UBAP2L: variants seen among roughly 807,000 people sequenced by gnomAD.
UBAP2L encodes ubiquitin associated protein 2 like, also known as ubiquitin-associated protein 2-like.
UBAP2L carries 12 observed loss-of-function variants against 130.6 expected under a neutral mutation model. The observed-to-expected ratio is 0.09, with a 90% CI of 0.06 to 0.15. The LOEUF is 0.15. Ranked by LOEUF, UBAP2L falls within the 10% of genes least tolerant of loss-of-function variation. UBAP2L has a pLI of 1.00. For missense variants in UBAP2L, 965 were observed against 1,332.5 expected (o/e 0.72, Z 4.29); for synonymous variants, 503 against 524.7 (o/e 0.96, Z 0.57).
intron 25 of UBAP2L, among the ~76,000 whole-genome samples, chr1:154,268,118 A>AC (rs1159152917): frequency 6.7e-6 from 1 of 148,414 alleles, no homozygotes; most frequent in Non-Finnish European, 1.5e-5. Flanking sequence ...CAAACTCCTG[A>AC]CCTCAGGTGA....
At chr1:154,243,400 C>A in intron 10 of UBAP2L, 98 bp downstream of exon 10, 2 of 964,072 alleles carry the variant, frequency 2.1e-6, no homozygotes, top group Non-Finnish European at 3.1e-6. Context: ...CCCATGGTGT[C>A]AATAATAATA....
chr1:154,258,873 C>T, intron 20 of UBAP2L, 104 bp from the exon 21 acceptor site: 1 of 923,910 alleles, frequency 1.1e-6, no homozygotes, highest in African/African-American at 1.6e-5. Flanking sequence ...TGTTCTAACC[C>T]AGAATGAGGA....
chr1:154,269,589 C>G (rs914115846), intron 26 of UBAP2L: 1 of 386,122 alleles, frequency 2.6e-6, no homozygotes, highest in Non-Finnish European at 5.0e-6. Flanking sequence ...TCCCCAACAC[C>G]CTCTTTATCT....
At chr1:154,234,003 A>G (rs1226445183) in intron 4 of UBAP2L, among the ~76,000 whole-genome samples, 1 of 151,802 alleles carries the variant, frequency 6.6e-6, no homozygotes, top group Non-Finnish European at 1.5e-5. Flanking sequence ...GATCCCTGCA[A>G]TGTTTCCTAT....
Position 154,257,187 on chromosome 1 carries a change from G to A in UBAP2L, c.2282G>A (p.Ser761Asn). The stretch of plus-strand genomic sequence containing the variant: ...TCCTCCAGTCTCAATAGTGGCAGTA[G>A]CCTGGGCCTCAGCCTAGGCAGCAAC... Reference protein sequence around the residue: ...SVSSSLNSGSSLGLSLGSNST... With the variant: ...SVSSSLNSGSNLGLSLGSNST... Residue 761 changes from serine to asparagine, a missense_variant, in exon 19 of 27, where the codon AGC becomes AAC. Ser to Asn is a conservative substitution (Grantham distance 46, BLOSUM62 1). Transcript: ENST00000428931. 1 of 1,614,208 alleles carries A rather than the reference G, an allele frequency of 6.2e-7. No individual in the cohort carries two copies.
intron 15 of UBAP2L, chr1:154,254,612 T>C (rs1678988822): frequency 1.8e-6 from 1 of 570,122 alleles, no homozygotes. Context: ...CTTCTTTTGC[T>C]TTTGGTCACA....
intron 8 of UBAP2L, among the ~76,000 whole-genome samples, chr1:154,238,502 G>T (rs1270086487): frequency 2.6e-5 from 4 of 152,164 alleles, no homozygotes; most frequent in Non-Finnish European, 5.9e-5. Context: ...GTTGTGAATA[G>T]AAATTCAGGC....
At chr1:154,220,206 T>C, upstream of UBAP2L, 1 of 1,090,616 alleles carries the variant, frequency 9.2e-7, no homozygotes, top group Non-Finnish European at 1.4e-6. Flanking sequence ...AACTCCCACC[T>C]ACTCCTGGAA....
At chr1:154,256,994 C>T in intron 18 of UBAP2L, 69 bp from the exon 19 acceptor site, 1 of 1,531,220 alleles carries the variant, frequency 6.5e-7, no homozygotes, top group Non-Finnish European at 8.8e-7. Context: ...GAGGGATTGT[C>T]TTATTTTTCC....
chr1:154,228,471 G>A lies in UBAP2L; in HGVS notation c.169-144G>A, dbSNP rs191577402. Reference sequence around the variant, plus strand: ...CAAAGTGCTGGGATTATAGGCGTGAGCCACTGTGCCCAGCCCTCATCTTTT... The same window carrying A: ...CAAAGTGCTGGGATTATAGGCGTGAACCACTGTGCCCAGCCCTCATCTTTT... On this transcript the variant is annotated intron_variant, in intron 3 of 26. Transcript: ENST00000428931. 214 of 576,186 alleles carry A rather than the reference G, an allele frequency of 3.7e-4. 2 individuals are homozygous for A. The highest frequency in any genetic ancestry group is 2.7e-3 in the Middle Eastern group (6 of 2,202). 35.7% of individuals were successfully genotyped at this position (576,186 alleles called of 1,614,324 possible).
chr1:154,268,997 C>T lies in UBAP2L; in HGVS notation c.3168+43C>T, dbSNP rs768334036. On this transcript the variant is annotated intron_variant, in intron 26 of 26. Coordinates refer to ENST00000428931, the MANE Select transcript of UBAP2L (RefSeq NM_014847.4). ...TCTCTCCTTTCCCTTCCTCTTCCTTCCTATCCCTTAAAACTGCCTTCCCTT... is the reference window on the plus strand; with the variant it reads ...TCTCTCCTTTCCCTTCCTCTTCCTTTCTATCCCTTAAAACTGCCTTCCCTT... 6 of 1,605,872 alleles carry T rather than the reference C, an allele frequency of 3.7e-6. No individual in the cohort carries two copies. The South Asian group carries it at 5.5e-5, about 15-fold the overall frequency.
In UBAP2L at chr1:154,243,316, A is replaced by T; in HGVS notation, c.842+14A>T. The T allele has an allele frequency of 6.2e-7, 1 of 1,609,440 alleles. No homozygotes were observed. Among genetic ancestry groups the T allele is most frequent in the Non-Finnish European group, 8.5e-7 (1 of 1,176,548 alleles). ...TGCTGGTCAGAGGCAAGTGTGCAGT[A>T]AAATTTAGTACCATTTCTTAAACAC... On this transcript the variant is annotated intron_variant, in intron 10 of 26. Coordinates refer to ENST00000428931, the MANE Select transcript of UBAP2L (RefSeq NM_014847.4).
chr1:154,265,117 G>T (rs541786738), intron 24 of UBAP2L, among the ~76,000 whole-genome samples: 2 of 152,260 alleles, frequency 1.3e-5, no homozygotes, highest in South Asian at 4.1e-4. Flanking sequence ...TTCCTAGTTA[G>T]TGTTTGCCCC....
At position 154,251,561 on chromosome 1, in the gene UBAP2L, G is replaced by T; in HGVS notation, c.1572G>T (p.Gly524=). 6.2e-7 allele frequency: 1 copy of T among 1,614,048 alleles called. No homozygotes were observed. The highest frequency in any genetic ancestry group is 8.5e-7 in the Non-Finnish European group (1 of 1,180,018). Reference sequence around the variant, plus strand: ...TGCAGTTTGGGGCATTGCAGTTTGGGTCAGAGCCTGTCCTTTCTGATTATG... The same window carrying T: ...TGCAGTTTGGGGCATTGCAGTTTGGTTCAGAGCCTGTCCTTTCTGATTATG... The part of the protein sequence containing the change: ...LNLQFGALQF[G]SEPVLSDYES... The change falls in exon 14 of 27, where the codon GGG becomes GGT. Residue 524 remains glycine (G), a synonymous_variant. Coordinates refer to ENST00000428931, the MANE Select transcript of UBAP2L (RefSeq NM_014847.4).
At chr1:154,231,713 T>A (rs1457819915) in intron 4 of UBAP2L, among the ~76,000 whole-genome samples, 1 of 152,208 alleles carries the variant, frequency 6.6e-6, no homozygotes, top group Non-Finnish European at 1.5e-5. Flanking sequence ...GTTTCAAGGT[T>A]CGTCCATATT....
In UBAP2L at chr1:154,259,047, G is replaced by C; in HGVS notation, c.2496+17G>C. The C allele has an allele frequency of 6.2e-7, 1 of 1,611,332 alleles. No homozygotes were observed. ...TTTCCATTGGTGAGTATGTGGGATA[G>C]AGCTTTGGAAAAGAAAGTAGTCTTA... is the stretch of plus-strand genomic sequence containing the variant. On this transcript the variant is annotated intron_variant, in intron 21 of 26. Transcript: ENST00000428931.
At position 154,254,086 on chromosome 1, in the gene UBAP2L, A is replaced by C. The variant is rs1678800930; in HGVS notation, c.1851A>C (p.Ala617=). The C allele has an allele frequency of 1.9e-6, 3 of 1,548,034 alleles. No individual in the cohort carries two copies. In the Admixed American group the frequency reaches 6.3e-5, roughly 33 times the overall value. Residue 617 remains alanine (A), a synonymous_variant, in exon 15 of 27, where the codon GCA becomes GCC. Transcript: ENST00000428931. The part of the protein sequence containing the change: ...SSSPQKDLTQ[A]KNGFSSVQAT... ...CACCCCAAAAGGACCTGACTCAGGCAAAGGTAGTGGCTTCATGAACCCTTG... is the reference window on the plus strand; with the variant it reads ...CACCCCAAAAGGACCTGACTCAGGCCAAGGTAGTGGCTTCATGAACCCTTG...
At chr1:154,242,931 TA>T (rs1386515542) in intron 9 of UBAP2L, 36 of 194,652 alleles carry the variant, frequency 1.8e-4, no homozygotes, top group Admixed American at 5.4e-4. Flanking sequence ...TTCTTTCTTT[TA>T]TTTTTTTTTT....
At position 154,249,934 on chromosome 1, in the gene UBAP2L, AATTATT is replaced by A. The variant is rs1305989341; in HGVS notation, c.1213+507_1213+512del. Among the ~76,000 whole-genome samples, 4 of 151,618 alleles carry A rather than the reference AATTATT, an allele frequency of 2.6e-5. No individual in the cohort carries two copies. In the East Asian group the frequency reaches 5.8e-4, roughly 22 times the overall value. Reference sequence around the variant, plus strand: ...GCAGTCTTCTGTTGATTGGGGTTTTAATTATTATTATTATTCTCCTTAGATTTATCT... The same window carrying A: ...GCAGTCTTCTGTTGATTGGGGTTTTAATTATTATTCTCCTTAGATTTATCT... On this transcript the variant is annotated intron_variant, in intron 12 of 26. Coordinates refer to ENST00000428931, the MANE Select transcript of UBAP2L (RefSeq NM_014847.4).
Sources: allele counts gnomAD v4.1 joint callset (sites outside exome capture counted in the v4.1 genomes callset), GRCh38; gene constraint gnomAD v4.1.1; transcripts MANE v1.5; gene names NCBI Gene and HGNC (gene_info 2026-07-23, HGNC 2026-07-21).